SEM1: variants seen among roughly 807,000 people sequenced by gnomAD.
SEM1 encodes the protein SEM1 26S proteasome subunit, also known as 26S proteasome complex subunit SEM1.
SEM1 carries 3 observed loss-of-function variants against 12.7 expected under a neutral mutation model. The ratio of observed to expected loss-of-function variants is 0.24; its 90% CI spans 0.11 to 0.61. The LOEUF is 0.61. SEM1 is among the 20% of genes least tolerant of loss of function. SEM1 has a pLI of 0.88. For missense variants in SEM1, 59 were observed against 81.3 expected (o/e 0.73, Z 1.06); for synonymous variants, 30 against 27.8 (o/e 1.08, Z -0.25).
chr7:96,519,877 T>G (rs1804216014), intron 2 of SEM1, among the ~76,000 whole-genome samples: 1 of 151,532 alleles, frequency 6.6e-6, no homozygotes. Context: ...GGTGACGGAG[T>G]GAGAAGGAGC....
intron 2 of SEM1, among the ~76,000 whole-genome samples, chr7:96,676,164 G>A (rs1248027481): frequency 6.6e-6 from 1 of 152,192 alleles, no homozygotes; most frequent in African/African-American, 2.4e-5. Flanking sequence ...TAGAGGCATT[G>A]TTTAGGCTGG....
chr7:96,577,147 T>C (rs1054488002), intron 2 of SEM1, among the ~76,000 whole-genome samples: 4 of 151,962 alleles, frequency 2.6e-5, no homozygotes, highest in Non-Finnish European at 5.9e-5. Flanking sequence ...ATATTTGATC[T>C]TTAAGTAAAT....
intron 2 of SEM1, among the ~76,000 whole-genome samples, chr7:96,540,792 A>T (rs999034490): frequency 9.9e-5 from 15 of 151,670 alleles, no homozygotes; most frequent in African/African-American, 3.4e-4. Context: ...TTATTCCATG[A>T]GTACCCAATG....
chr7:96,633,962 C>T (rs1019925251), intron 2 of SEM1, among the ~76,000 whole-genome samples: 3 of 152,030 alleles, frequency 2.0e-5, no homozygotes, highest in Admixed American at 6.6e-5. Context: ...TAAATATGGA[C>T]GAGTATTAAT....
At chr7:96,669,335 T>C (rs1789251326), downstream of SEM1, among the ~76,000 whole-genome samples, 1 of 152,224 alleles carries the variant, frequency 6.6e-6, no homozygotes. Flanking sequence ...TCATAAATAC[T>C]CAATTCTGCT....
At chr7:96,514,914 A>G (rs1563040572) in intron 2 of SEM1, among the ~76,000 whole-genome samples, 1 of 152,116 alleles carries the variant, frequency 6.6e-6, no homozygotes, top group Non-Finnish European at 1.5e-5. Flanking sequence ...CAAACTGTAA[A>G]ATTTATATGG....
downstream of SEM1, among the ~76,000 whole-genome samples, chr7:96,620,572 G>T (rs868403898): frequency 7.2e-5 from 11 of 152,188 alleles, no homozygotes; most frequent in African/African-American, 2.2e-4. Flanking sequence ...CCATTTCGGA[G>T]CCCTGAGGTT....
chr7:96,562,954 C>T (rs1207269325), intron 2 of SEM1, among the ~76,000 whole-genome samples: 2 of 152,010 alleles, frequency 1.3e-5, no homozygotes, highest in Non-Finnish European at 1.5e-5. Flanking sequence ...GAATGCTATC[C>T]CAAGTATGAA....
chr7:96,555,367 C>T (rs1479337584), intron 2 of SEM1, among the ~76,000 whole-genome samples: 1 of 151,222 alleles, frequency 6.6e-6, no homozygotes, highest in Non-Finnish European at 1.5e-5. Flanking sequence ...TTGAATGTGT[C>T]CCAGAGATTC....
chr7:96,563,094 G>A (rs1805739749), intron 2 of SEM1, among the ~76,000 whole-genome samples: 1 of 152,154 alleles, frequency 6.6e-6, no homozygotes, highest in African/African-American at 2.4e-5. Context: ...TGGGGGAAAT[G>A]ATGATGCTGG....
intron 2 of SEM1, among the ~76,000 whole-genome samples, chr7:96,589,626 T>G (rs116250475): frequency 0.013 from 1,975 of 152,290 alleles, 37 homozygotes; most frequent in African/African-American, 0.045. Context: ...TAATTTATAA[T>G]GTTTGCAGGT....
intron 2 of SEM1, among the ~76,000 whole-genome samples, chr7:96,659,609 C>T (rs1452516137): frequency 6.6e-6 from 1 of 151,958 alleles, no homozygotes; most frequent in East Asian, 1.9e-4. Context: ...AATCTCAAAC[C>T]TGATGTCTTA....
chr7:96,491,408 A>G (rs1803002120), intron 1 of SEM1, among the ~76,000 whole-genome samples: 2 of 152,316 alleles, frequency 1.3e-5, no homozygotes, highest in Admixed American at 6.5e-5. Flanking sequence ...TTCTCTATCA[A>G]TGAACTGAGA....
chr7:96,583,469 C>T (rs1407584374), intron 2 of SEM1, among the ~76,000 whole-genome samples: 1 of 148,360 alleles, frequency 6.7e-6, no homozygotes, highest in African/African-American at 2.5e-5. Context: ...GTGGAGAGTT[C>T]TGTAGATGTC....
At chr7:96,652,813 T>C (rs1809043914) in intron 2 of SEM1, among the ~76,000 whole-genome samples, 1 of 152,204 alleles carries the variant, frequency 6.6e-6, no homozygotes, top group African/African-American at 2.4e-5. Context: ...AAGCATGCAT[T>C]GAAGAGTCTG....
intron 2 of SEM1, among the ~76,000 whole-genome samples, chr7:96,589,107 C>G (rs1257244058): frequency 6.6e-6 from 1 of 152,186 alleles, no homozygotes; most frequent in Admixed American, 6.5e-5. Context: ...GGTGTGGGAA[C>G]CGCACTGCTT....
chr7:96,575,739 G>A (rs1045781437), intron 2 of SEM1, among the ~76,000 whole-genome samples: 4 of 152,162 alleles, frequency 2.6e-5, no homozygotes, highest in Non-Finnish European at 4.4e-5. Flanking sequence ...TGCCCACTTT[G>A]ACTTTTTAAT....
chr7:96,638,716 G>A (rs972029420), intron 2 of SEM1, among the ~76,000 whole-genome samples: 1 of 151,718 alleles, frequency 6.6e-6, no homozygotes, highest in African/African-American at 2.4e-5. Flanking sequence ...TTCTCTCCTA[G>A]TGTAAGCACT....
intron 2 of SEM1, among the ~76,000 whole-genome samples, chr7:96,517,300 G>A (rs62470049): frequency 0.15 from 22,644 of 152,048 alleles, 1,742 homozygotes; most frequent in Middle Eastern, 0.27. Context: ...ATTGATAAAA[G>A]GGGATGCTAT....
Sources: allele counts gnomAD v4.1 joint callset (sites outside exome capture counted in the v4.1 genomes callset), GRCh38; gene constraint gnomAD v4.1.1; transcripts MANE v1.5; gene names NCBI Gene and HGNC (gene_info 2026-07-23, HGNC 2026-07-21).